The following AGFG1 variants were observed in gnomAD, a reference collection of about 807,000 sequenced individuals.
AGFG1 encodes ArfGAP with FG repeats 1.
AGFG1 carries 10 observed loss-of-function variants against 60.6 expected under a neutral mutation model. That is an observed-to-expected ratio of 0.16 (90% CI 0.10 to 0.28). The LOEUF is 0.28. Among genes scored for constraint, AGFG1 ranks in the 10% least tolerant of loss-of-function variants. The pLI, the probability that AGFG1 is intolerant of heterozygous loss-of-function variation, is 1.00. For missense variants in AGFG1, 537 were observed against 676.5 expected (o/e 0.79, Z 2.29); for synonymous variants, 247 against 242.9 (o/e 1.02, Z -0.16).
chr2:227,557,946 C>T lies in AGFG1; in HGVS notation c.*3451C>T, dbSNP rs1693022482. ...AAGGGTCTCCAGACTCTTTGAGAAC[C>T]ACTATACTTTAAATTTGTGTATTTC... is the stretch of plus-strand genomic sequence containing the variant. On this transcript the variant is annotated 3_prime_UTR_variant, in exon 13 of 13. Transcript: ENST00000310078. 6.6e-6 allele frequency: 1 copy of T among 152,180 alleles called. No homozygotes were observed. The highest frequency in any genetic ancestry group is 2.1e-4 in the South Asian group (1 of 4,832). 9.4% of individuals were successfully genotyped at this position (152,180 alleles called of 1,614,324 possible).
intron 2 of AGFG1, among the ~76,000 whole-genome samples, chr2:227,513,825 TGTCTG>T (rs1308414197): frequency 6.6e-6 from 1 of 152,278 alleles, no homozygotes; most frequent in Non-Finnish European, 1.5e-5. Flanking sequence ...TTTATTCTGT[TGTCTG>T]GTGTGATTTT....
rs1175751583 is a variant in AGFG1, at chr2:227,556,232, T to C, written c.*1737T>C. ...GTTTCCTCAAACATTTTATTCATGTTGAATGCCTTTTTGCAATGATGACTG... is the reference window on the plus strand; with the variant it reads ...GTTTCCTCAAACATTTTATTCATGTCGAATGCCTTTTTGCAATGATGACTG... On this transcript the variant is annotated 3_prime_UTR_variant, in exon 13 of 13. Transcript: ENST00000310078. 1 of 152,246 alleles carries C rather than the reference T, an allele frequency of 6.6e-6. No individual in the cohort carries two copies. Among genetic ancestry groups the C allele is most frequent in the Non-Finnish European group, 1.5e-5 (1 of 68,028 alleles). 9.4% of individuals were successfully genotyped at this position (152,246 alleles called of 1,614,324 possible). A position where few individuals can be genotyped will look rare whatever the true frequency, so the allele number is the denominator to read the frequency against.
At chr2:227,493,720 G>A (rs1690889419) in intron 2 of AGFG1, among the ~76,000 whole-genome samples, 1 of 152,176 alleles carries the variant, frequency 6.6e-6, no homozygotes, top group South Asian at 2.1e-4. Context: ...TAGGGATGTG[G>A]TTATAGATGT....
intron 1 of AGFG1, among the ~76,000 whole-genome samples, chr2:227,485,119 A>T (rs953541063): frequency 1.3e-5 from 2 of 152,112 alleles, no homozygotes; most frequent in African/African-American, 2.4e-5. Flanking sequence ...CCACTTGAAG[A>T]TAATATTCCA....
rs1287382177 is a variant in AGFG1 at position 227,523,476 on chromosome 2, TTA to T, written c.378-285_378-284del. ...TAGGTCCTCTGTTTAAAAAAAGCAG[TTA>T]TTTCTTATATTGTACTTAATATCTT... On this transcript the variant is annotated intron_variant, in intron 3 of 12. Coordinates refer to ENST00000310078, the MANE Select transcript of AGFG1 (RefSeq NM_004504.5). Among the ~76,000 whole-genome samples the T allele has an allele frequency of 6.6e-5, 10 of 152,314 alleles. No homozygotes were observed. The East Asian group carries it at 1.2e-3, about 18-fold the overall frequency.
chr2:227,487,920 T>G (rs1690688014), intron 1 of AGFG1, among the ~76,000 whole-genome samples: 1 of 152,212 alleles, frequency 6.6e-6, no homozygotes, highest in South Asian at 2.1e-4. Context: ...TGTACAGCCT[T>G]GCACTGAGAT....
intron 2 of AGFG1, chr2:227,508,360 A>C (rs1333472834): frequency 8.0e-6 from 2 of 249,736 alleles, no homozygotes; most frequent in Admixed American, 4.8e-5. Flanking sequence ...TAGATAATCC[A>C]CAAACAATTC....
intron 7 of AGFG1, among the ~76,000 whole-genome samples, chr2:227,534,041 A>G (rs1385683629): frequency 6.6e-6 from 1 of 152,148 alleles, no homozygotes; most frequent in African/African-American, 2.4e-5. Flanking sequence ...TTTGGCTATA[A>G]AGAGCCAAGA....
chr2:227,524,944 T>C lies in AGFG1; in HGVS notation c.694+29T>C, dbSNP rs750076788. The C allele has an allele frequency of 3.7e-6, 6 of 1,612,162 alleles. No individual in the cohort carries two copies. The South Asian group carries it at 6.6e-5, about 18-fold the overall frequency. Reference sequence around the variant, plus strand: ...AGTGTTTTTTCCCAACAGCTTTTGCTGGGGATGCATATAAAACACCAAGAA... The same window carrying C: ...AGTGTTTTTTCCCAACAGCTTTTGCCGGGGATGCATATAAAACACCAAGAA... On this transcript the variant is annotated intron_variant, in intron 5 of 12. Transcript: ENST00000310078.
At position 227,540,197 on chromosome 2, in the gene AGFG1, G is replaced by GTT. The variant is rs56275707; in HGVS notation, c.1378+3217_1378+3218dup. Among the ~76,000 whole-genome samples, 852 of 145,356 alleles carry GTT rather than the reference G, an allele frequency of 5.9e-3. 6 individuals are homozygous for GTT. The highest frequency in any genetic ancestry group is 0.014 in the African/African-American group (546 of 39,468). On this transcript the variant is annotated intron_variant, in intron 10 of 12. Coordinates refer to ENST00000310078, the MANE Select transcript of AGFG1 (RefSeq NM_004504.5). ...GGATTTATAAAACTTTGGGGCTTTAGTTTTTTTTTTTTTTACTTTAAGTTC... is the reference window on the plus strand; with the variant it reads ...GGATTTATAAAACTTTGGGGCTTTAGTTTTTTTTTTTTTTTTACTTTAAGTTC...
chr2:227,543,217 C>G (rs1356520379), intron 10 of AGFG1, among the ~76,000 whole-genome samples: 1 of 151,938 alleles, frequency 6.6e-6, no homozygotes, highest in East Asian at 1.9e-4. Flanking sequence ...TATGTTTGCT[C>G]TTGCTTCTCT....
In AGFG1 at chr2:227,498,482, T is replaced by A. The variant is rs561458876; in HGVS notation, c.261+6842T>A. ...CTATTGTTATTATTTAAGGGATATT[T>A]ATTTAGTGTCTGCATATTTATGCAC... On this transcript the variant is annotated intron_variant, in intron 2 of 12. Coordinates refer to ENST00000310078, the MANE Select transcript of AGFG1 (RefSeq NM_004504.5). Among the ~76,000 whole-genome samples the A allele has an allele frequency of 9.9e-4, 151 of 152,350 alleles. 1 individual carries two copies. Among genetic ancestry groups the A allele is most frequent in the Non-Finnish European group, 1.5e-3 (104 of 68,032 alleles).
At chr2:227,537,551 A>G (rs961786089) in intron 10 of AGFG1, among the ~76,000 whole-genome samples, 8 of 151,780 alleles carry the variant, frequency 5.3e-5, no homozygotes, top group Admixed American at 2.0e-4. Flanking sequence ...TCTTTTGATA[A>G]TTTTTTCCCT....
At chr2:227,537,649 G>T (rs891911598) in intron 10 of AGFG1, among the ~76,000 whole-genome samples, 8 of 151,844 alleles carry the variant, frequency 5.3e-5, no homozygotes, top group East Asian at 1.9e-4. Flanking sequence ...GATTTTTGTC[G>T]TATTACCTTA....
intron 1 of AGFG1, among the ~76,000 whole-genome samples, chr2:227,486,506 G>A (rs1017742557): frequency 2.6e-5 from 4 of 152,078 alleles, no homozygotes; most frequent in Non-Finnish European, 5.9e-5. Flanking sequence ...TCATATAAGA[G>A]TGCTTTATAT....
At chr2:227,497,515 C>A (rs1406494126) in intron 2 of AGFG1, among the ~76,000 whole-genome samples, 1 of 151,968 alleles carries the variant, frequency 6.6e-6, no homozygotes, top group Non-Finnish European at 1.5e-5. Flanking sequence ...GATACTAACA[C>A]CCCCATATGT....
intron 2 of AGFG1, among the ~76,000 whole-genome samples, chr2:227,500,710 G>C (rs1304241015): frequency 6.6e-6 from 1 of 152,050 alleles, no homozygotes; most frequent in African/African-American, 2.4e-5. Context: ...ATATTTCAAA[G>C]TAAGCTCAAA....
chr2:227,509,600 A>T (rs994848876), intron 2 of AGFG1, among the ~76,000 whole-genome samples: 1 of 152,152 alleles, frequency 6.6e-6, no homozygotes, highest in Non-Finnish European at 1.5e-5. Flanking sequence ...ATGGTTCATT[A>T]AAAAAATTAT....
intron 1 of AGFG1, among the ~76,000 whole-genome samples, chr2:227,490,352 G>T (rs1690772022): frequency 6.6e-6 from 1 of 152,144 alleles, no homozygotes; most frequent in South Asian, 2.1e-4. Flanking sequence ...GCCGAGGCAG[G>T]TGGATCACGA....
Sources: gnomAD v4.1 joint callset for allele counts (sites outside exome capture counted in the v4.1 genomes callset) on GRCh38, gnomAD v4.1.1 for gene constraint, MANE v1.5 for transcripts, NCBI Gene and HGNC (gene_info 2026-07-23, HGNC 2026-07-21) for gene names.